Variants in MTNAP1 observed in about 807,000 individuals in gnomAD.
MTNAP1 encodes the protein mitochondrial nucleoid associated protein 1.
chr17:73,248,637 T>C, the MTNAP1 span: 1 of 1,200,482 alleles, frequency 8.3e-7, no homozygotes, highest in Non-Finnish European at 1.2e-6. Flanking sequence ...CCCAGGCTAC[T>C]GTCCATGCTT....
At chr17:73,235,328 A>T in the MTNAP1 span, 9 of 597,558 alleles carry the variant, frequency 1.5e-5, no homozygotes, top group Middle Eastern at 3.6e-4. Flanking sequence ...AATTTTTTAT[A>T]CTCATATAAT....
chr17:73,236,261 G>T, the MTNAP1 span: 2 of 1,614,070 alleles, frequency 1.2e-6, no homozygotes, highest in South Asian at 2.2e-5. Flanking sequence ...CACCTCTCAG[G>T]AGTCCCTACT....
At chr17:73,236,214 A>G in the MTNAP1 span, 2 of 1,614,204 alleles carry the variant, frequency 1.2e-6, no homozygotes, top group South Asian at 2.2e-5. Context: ...GGGTAAGAAC[A>G]TTATTAAGCA....
chr17:73,236,731 T>A, the MTNAP1 span: 5 of 1,614,040 alleles, frequency 3.1e-6, no homozygotes, highest in Non-Finnish European at 4.2e-6. Context: ...GGAGCCCAAA[T>A]CTGATAGTCA....
chr17:73,240,793 GAC>G, the MTNAP1 span, among the ~76,000 whole-genome samples: 1 of 152,180 alleles, frequency 6.6e-6, no homozygotes, highest in Non-Finnish European at 1.5e-5. Flanking sequence ...ACGTGATCCT[GAC>G]ACTGCTGACA....
chr17:73,233,808 G>T, the MTNAP1 span, among the ~76,000 whole-genome samples: 1 of 152,182 alleles, frequency 6.6e-6, no homozygotes, highest in Non-Finnish European at 1.5e-5. Flanking sequence ...GGGAGGCTGA[G>T]GTTGCTGTGA....
At chr17:73,234,180 AG>A in the MTNAP1 span, among the ~76,000 whole-genome samples, 2 of 152,194 alleles carry the variant, frequency 1.3e-5, no homozygotes, top group African/African-American at 4.8e-5. Context: ...TGTGCAGGAT[AG>A]ATATGTTTCC....
At chr17:73,237,696 G>A in the MTNAP1 span, among the ~76,000 whole-genome samples, 1 of 152,112 alleles carries the variant, frequency 6.6e-6, no homozygotes, top group Non-Finnish European at 1.5e-5. Context: ...TCAGGACCAG[G>A]TTGTACAAGA....
At chr17:73,236,492 C>G in the MTNAP1 span, 5 of 1,614,144 alleles carry the variant, frequency 3.1e-6, no homozygotes, top group African/African-American at 5.3e-5. Flanking sequence ...AACTTCAACA[C>G]CAGGGATTCA....
chr17:73,244,289 G>A, the MTNAP1 span, among the ~76,000 whole-genome samples: 27 of 152,114 alleles, frequency 1.8e-4, no homozygotes, highest in South Asian at 6.2e-4. Flanking sequence ...GGGGCCGGGC[G>A]CGGTGGCTCA....
chr17:73,247,600 A>C, the MTNAP1 span: 8 of 404,934 alleles, frequency 2.0e-5, no homozygotes, highest in African/African-American at 1.6e-4. Context: ...AAAATAAGTT[A>C]TTTAATGAGA....
At chr17:73,236,572 C>G in the MTNAP1 span, 72 of 1,614,030 alleles carry the variant, frequency 4.5e-5, no homozygotes, top group Non-Finnish European at 5.9e-5. Flanking sequence ...GACGACTTAC[C>G]AGTTTCATTC....
At chr17:73,247,384 G>A in the MTNAP1 span, 3 of 1,593,086 alleles carry the variant, frequency 1.9e-6, no homozygotes, top group African/African-American at 1.3e-5. Flanking sequence ...CTTCTCTCTA[G>A]TGCCTTCGTG....
chr17:73,247,105 TGTACAA>T, the MTNAP1 span: 22 of 727,592 alleles, frequency 3.0e-5, no homozygotes, highest in East Asian at 6.0e-4. Flanking sequence ...GTAGTCAAAA[TGTACAA>T]AAACAAGCCC....
At chr17:73,242,130 C>T in the MTNAP1 span, 27 of 586,484 alleles carry the variant, frequency 4.6e-5, no homozygotes, top group African/African-American at 4.6e-4. Context: ...CTTTAATGCA[C>T]CTGTTTAGAA....
the MTNAP1 span, chr17:73,236,005 G>C: frequency 6.2e-7 from 1 of 1,614,144 alleles, no homozygotes; most frequent in South Asian, 1.1e-5. Context: ...GTCTTTACTG[G>C]TTGGCTCAAT....
chr17:73,239,098 G>A, the MTNAP1 span, among the ~76,000 whole-genome samples: 336 of 151,898 alleles, frequency 2.2e-3, 1 homozygote, highest in Non-Finnish European at 3.6e-3. Flanking sequence ...CACCACGCCC[G>A]GCTAATTTTG....
At chr17:73,236,874 G>T in the MTNAP1 span, 5 of 1,614,026 alleles carry the variant, frequency 3.1e-6, no homozygotes, top group Middle Eastern at 1.6e-4. Flanking sequence ...GGCTGGAGTG[G>T]TTTCCAGAGC....
the MTNAP1 span, chr17:73,243,254 A>C: frequency 0.52 from 239,446 of 463,306 alleles, 62,482 homozygotes; most frequent in East Asian, 0.63. Context: ...TCCTGGGTTC[A>C]AGTGATTCTC....
Sources: gnomAD v4.1 joint callset for allele counts (sites outside exome capture counted in the v4.1 genomes callset) on GRCh38, gnomAD v4.1.1 for gene constraint, MANE v1.5 for transcripts, NCBI Gene and HGNC (gene_info 2026-07-23, HGNC 2026-07-21) for gene names.